Variants in CXCL12 observed in about 807,000 individuals in gnomAD.
CXCL12 encodes the protein stromal cell-derived factor 1.
A neutral mutation model predicts 10.7 loss-of-function variants in CXCL12; 4 were observed. The ratio of observed to expected loss-of-function variants is 0.37; its 90% CI spans 0.18 to 0.86. CXCL12 has a LOEUF of 0.86. Among genes scored for constraint, CXCL12 ranks in the 40% least tolerant of loss-of-function variants. The pLI, the probability that CXCL12 is intolerant of heterozygous loss-of-function variation, is 0.43. For missense variants in CXCL12, 122 were observed against 110.4 expected (o/e 1.10, Z -0.47); for synonymous variants, 54 against 45.4 (o/e 1.19, Z -0.77).
At chr10:44,376,784 A>G (rs1293931248), downstream of CXCL12, among the ~76,000 whole-genome samples, 3 of 152,234 alleles carry the variant, frequency 2.0e-5, no homozygotes, top group Admixed American at 2.0e-4. Flanking sequence ...AAAGGTTGAT[A>G]TTACTAGGGT....
chr10:44,383,820 C>A (rs1839712110), intron 1 of CXCL12, among the ~76,000 whole-genome samples: 1 of 152,214 alleles, frequency 6.6e-6, no homozygotes, highest in African/African-American at 2.4e-5. Context: ...GCCACGTCTG[C>A]ACCAACCCAG....
downstream of CXCL12, chr10:44,373,301 T>C (rs749379428): frequency 6.2e-7 from 1 of 1,603,862 alleles, no homozygotes; most frequent in Non-Finnish European, 8.5e-7. Context: ...GCTCCTACTG[T>C]AAGGGTTCCT....
At chr10:44,384,811 C>G in intron 1 of CXCL12, 134 bp downstream of exon 1, 1 of 852,588 alleles carries the variant, frequency 1.2e-6, no homozygotes, top group Non-Finnish European at 1.7e-6. Flanking sequence ...GAGCGCCCAG[C>G]TAAGCGAGCT....
chr10:44,380,901 A>G (rs1485374248), intron 1 of CXCL12, 21 bp from the exon 2 acceptor site: 4 of 1,604,276 alleles, frequency 2.5e-6, no homozygotes, highest in Non-Finnish European at 3.4e-6. Flanking sequence ...TAAGGACAAC[A>G]AGGCACTTTA....
In CXCL12 at chr10:44,377,807, C is replaced by A. The variant is rs1049986089; in HGVS notation, c.*826G>T. ...TGGAGGAGGCCAAAGACGGATCTCA[C>A]AGAGGGCCCGAGCTGTGGGGCAGGC... is the stretch of plus-strand genomic sequence containing the variant. On this transcript the variant is annotated 3_prime_UTR_variant, in exon 3 of 3. Coordinates refer to ENST00000343575, the MANE Select transcript of CXCL12 (RefSeq NM_199168.4). 1 of 1,597,806 alleles carries A rather than the reference C, an allele frequency of 6.3e-7. No homozygotes were observed. The highest frequency in any genetic ancestry group is 1.3e-5 in the African/African-American group (1 of 75,052).
intron 1 of CXCL12, among the ~76,000 whole-genome samples, chr10:44,384,483 A>G (rs949552746): frequency 1.3e-5 from 2 of 152,166 alleles, no homozygotes; most frequent in Non-Finnish European, 1.5e-5. Flanking sequence ...CATGAGGCGA[A>G]CTTTGCAAAG....
chr10:44,382,752 C>A (rs1839670115), intron 1 of CXCL12, among the ~76,000 whole-genome samples: 1 of 152,164 alleles, frequency 6.6e-6, no homozygotes, highest in Non-Finnish European at 1.5e-5. Flanking sequence ...ACTCCCAGGA[C>A]CTAAGGCCCG....
chr10:44,371,989 T>TA (rs958747823), downstream of CXCL12: 5 of 152,162 alleles, frequency 3.3e-5, no homozygotes, highest in African/African-American at 1.2e-4. Context: ...ATTGTTCTCT[T>TA]AGAGAAATGT....
At chr10:44,373,183 T>A (rs1839358641), downstream of CXCL12, 1 of 1,539,356 alleles carries the variant, frequency 6.5e-7, no homozygotes, top group Admixed American at 2.0e-5. Flanking sequence ...AATCAAATGG[T>A]GAAAATATGG....
At chr10:44,375,821 C>T, downstream of CXCL12, 1 of 1,534,136 alleles carries the variant, frequency 6.5e-7, no homozygotes, top group Non-Finnish European at 8.7e-7. Context: ...CACTGCTCCC[C>T]CACGGAAGTC....
Position 44,377,551 on chromosome 10 carries a change from G to C in CXCL12, c.*1082C>G, listed in dbSNP as rs1588898031. On this transcript the variant is annotated 3_prime_UTR_variant, in exon 3 of 3. Coordinates refer to ENST00000343575, the MANE Select transcript of CXCL12 (RefSeq NM_199168.4). ...GAAACCCTGCTGTGGCTTCAGGAGG[G>C]GGTAGTGGCAAGATGATGGTTTATT... 1.4e-6 allele frequency: 2 copies of C among 1,448,744 alleles called. No homozygotes were observed. The highest frequency in any genetic ancestry group is 5.1e-5 in the East Asian group (2 of 39,282). The allele number at this position is 1,448,744 out of a possible 1,614,324, so 89.7% of individuals were successfully genotyped here.
Position 44,384,890 on chromosome 10 carries a change from G to A in CXCL12, c.61+55C>T, listed in dbSNP as rs528595279. 1.2e-4 allele frequency: 187 copies of A among 1,499,604 alleles called. 5 individuals are homozygous for A. The South Asian group carries it at 2.0e-3, about 16-fold the overall frequency. 92.9% of individuals were successfully genotyped at this position (1,499,604 alleles called of 1,614,324 possible). On this transcript the variant is annotated intron_variant, in intron 1 of 2. Transcript: ENST00000343575. ...GGCAGAGGAGCCGCGGCTCTGCGCCGGGCGGGAGCCGAAGCCCAGAGCCTC... is the reference window on the plus strand; with the variant it reads ...GGCAGAGGAGCCGCGGCTCTGCGCCAGGCGGGAGCCGAAGCCCAGAGCCTC...
At chr10:44,380,658 A>G in intron 2 of CXCL12, 105 bp downstream of exon 2, 1 of 964,906 alleles carries the variant, frequency 1.0e-6, no homozygotes, top group Non-Finnish European at 1.7e-6. Context: ...AAGGTTGGAC[A>G]CTTGGCTTGT....
downstream of CXCL12, chr10:44,374,316 G>A (rs1432038326): frequency 7.7e-6 from 3 of 391,484 alleles, no homozygotes; most frequent in South Asian, 3.8e-5. Context: ...TCCGAAGAAT[G>A]CAGGCGAGTA....
At chr10:44,375,799 A>G (rs1222970693), downstream of CXCL12, 1 of 1,468,462 alleles carries the variant, frequency 6.8e-7, no homozygotes, top group Non-Finnish European at 9.1e-7. Context: ...TGTGGCTGGC[A>G]GGGCAGCAAA....
downstream of CXCL12, among the ~76,000 whole-genome samples, chr10:44,376,780 T>A (rs569463217): frequency 2.0e-5 from 3 of 152,250 alleles, no homozygotes; most frequent in South Asian, 4.1e-4. Flanking sequence ...TGTAAAAGGT[T>A]GATATTACTA....
At position 44,384,950 on chromosome 10, in the gene CXCL12, C is replaced by T. The variant is rs1477166100; in HGVS notation, c.56G>A (p.Ser19Asn). 3 of 1,388,646 alleles carry T rather than the reference C, an allele frequency of 2.2e-6. No homozygotes were observed. The highest frequency in any genetic ancestry group is 2.8e-6 in the Non-Finnish European group (3 of 1,055,448). The allele number at this position is 1,388,646 out of a possible 1,614,324, so 86.0% of individuals were successfully genotyped here. Residue 19 changes from serine (S) to asparagine (N), a missense_variant, in exon 1 of 3, where the codon AGC becomes AAC. Ser to Asn is a conservative substitution (Grantham distance 46). Transcript: ENST00000343575. The part of the protein sequence containing the change: ...LVLVLTALCL[S>N]DGKPVSLSYR... The stretch of plus-strand genomic sequence containing the variant: ...TCCCCGCCGAGCGCACTTACCGTCG[C>T]TGAGGCAGAGCGCGGTCAGCACGAG...
chr10:44,374,824 TGGA>T (rs1038125876), downstream of CXCL12: 2 of 384,732 alleles, frequency 5.2e-6, no homozygotes, highest in Non-Finnish European at 1.0e-5. Context: ...TTATGTGAGG[TGGA>T]GAAGGGCTGA....
downstream of CXCL12, chr10:44,376,063 T>C (rs972756808): frequency 2.5e-6 from 4 of 1,605,030 alleles, no homozygotes; most frequent in Non-Finnish European, 3.4e-6. Context: ...CCATTAATAA[T>C]GTGGAAATAA....
Sources: gnomAD v4.1 joint callset for allele counts (sites outside exome capture counted in the v4.1 genomes callset) on GRCh38, gnomAD v4.1.1 for gene constraint, MANE v1.5 for transcripts, NCBI Gene and HGNC (gene_info 2026-07-23, HGNC 2026-07-21) for gene names.